Variants in FSD1 observed in about 807,000 individuals in gnomAD.
FSD1 encodes fibronectin type III and SPRY domain containing 1, also known as fibronectin type III and SPRY domain-containing protein 1.
In FSD1, 23 loss-of-function variants were observed where a neutral mutation model predicts 58.2. The ratio of observed to expected loss-of-function variants is 0.40; its 90% confidence interval spans 0.28 to 0.56. FSD1 has a LOEUF of 0.56. Among genes scored for constraint, FSD1 ranks in the 20% least tolerant of loss-of-function variants. FSD1 has a pLI of 0.54. For missense variants in FSD1, 563 were observed against 670.8 expected (o/e 0.84, Z 1.78); for synonymous variants, 265 against 263.4 (o/e 1.01, Z -0.06).
At position 4,304,627 on chromosome 19, in the gene FSD1, G is replaced by T. The variant is rs746299023; in HGVS notation, c.-120G>T. 35 of 532,852 alleles carry T rather than the reference G, an allele frequency of 6.6e-5. No homozygotes were observed. Among genetic ancestry groups the T allele is most frequent in the South Asian group, 9.2e-5 (1 of 10,830 alleles). 33.0% of individuals were successfully genotyped at this position (532,852 alleles called of 1,614,324 possible). On this transcript the variant is annotated 5_prime_UTR_variant, in exon 1 of 13. Coordinates refer to ENST00000221856, the MANE Select transcript of FSD1 (RefSeq NM_024333.3). ...TGCGCGCGGTGATGGAGCGCTAACC[G>T]GGGGCGCGGCGGCGGCGAGGGCTCG...
At chr19:4,306,145 C>T (rs1376334597) in intron 2 of FSD1, 53 bp from the exon 3 acceptor site, 2 of 1,613,132 alleles carry the variant, frequency 1.2e-6, no homozygotes, top group African/African-American at 2.7e-5. Context: ...TGGGAGGTCT[C>T]AGGTTCCCTC....
At chr19:4,313,761 T>G (rs1971722179) in intron 7 of FSD1, among the ~76,000 whole-genome samples, 1 of 146,908 alleles carries the variant, frequency 6.8e-6, no homozygotes, top group Non-Finnish European at 1.5e-5. Context: ...GCGTGGTGGC[T>G]CACGCTGTAA....
At chr19:4,305,796 G>T (rs111747019) in intron 1 of FSD1, 150 bp from the exon 2 acceptor site, 1 of 660,274 alleles carries the variant, frequency 1.5e-6, no homozygotes. Context: ...GTGTGTGTGC[G>T]CATGTGTGTG....
chr19:4,318,998 C>A, intron 10 of FSD1, 47 bp downstream of exon 10: 2 of 1,464,464 alleles, frequency 1.4e-6, no homozygotes, highest in Non-Finnish European at 1.9e-6. Context: ...TGGGCAGGGG[C>A]CTAATGGTGG....
intron 7 of FSD1, 142 bp from the exon 8 acceptor site, chr19:4,317,040 A>C: frequency 1.7e-6 from 1 of 595,404 alleles, no homozygotes; most frequent in Non-Finnish European, 3.1e-6. Context: ...GGCGTGAGCC[A>C]GTGCGCCCGG....
Position 4,323,340 on chromosome 19 carries a change from G to C in FSD1, c.1292-8G>C. The stretch of plus-strand genomic sequence containing the variant: ...CGGTCCCACTGTCACTCTGCCCCCC[G>C]ACCCCAGGCCTCCTGTCCTTCTACA... On this transcript the variant is annotated splice_polypyrimidine_tract_variant and splice_region_variant and intron_variant, in intron 11 of 12. Transcript: ENST00000221856. The surrounding 1 kb of genome is among the most constrained non-coding windows in gnomAD (Gnocchi z 7.7). The C allele has an allele frequency of 6.2e-7, 1 of 1,611,776 alleles. No individual in the cohort carries two copies. The highest frequency in any genetic ancestry group is 8.5e-7 in the Non-Finnish European group (1 of 1,179,194).
In FSD1 at chr19:4,323,502, G is replaced by GC. The variant is rs767557928; in HGVS notation, c.1381-27dup. ...GCTGGGCGCTGGGGTTTGAAGCTGA[G>GC]CCCCTCCCCCCTCCCCCCGCTGTCC... On this transcript the variant is annotated intron_variant, in intron 12 of 12. Coordinates refer to ENST00000221856, the MANE Select transcript of FSD1 (RefSeq NM_024333.3). This position sits in a 1 kb window ranked among gnomAD's most constrained non-coding sequence, Gnocchi z 7.7. The GC allele has an allele frequency of 6.4e-7, 1 of 1,573,916 alleles. No individual in the cohort carries two copies. The highest frequency in any genetic ancestry group is 8.7e-7 in the Non-Finnish European group (1 of 1,145,254).
chr19:4,320,690 TGAG>T (rs1207850699), intron 10 of FSD1, among the ~76,000 whole-genome samples: 2 of 148,268 alleles, frequency 1.3e-5, no homozygotes, highest in Non-Finnish European at 3.0e-5. Flanking sequence ...AGCTGGGACT[TGAG>T]GAGCATCTGG....
chr19:4,315,160 C>G (rs1384592875), intron 7 of FSD1, among the ~76,000 whole-genome samples: 1 of 151,870 alleles, frequency 6.6e-6, no homozygotes, highest in Non-Finnish European at 1.5e-5. Flanking sequence ...GAATCTCGCT[C>G]TGTCGCCCAA....
intron 1 of FSD1, among the ~76,000 whole-genome samples, chr19:4,305,009 G>C (rs1233723713): frequency 1.9e-5 from 2 of 106,320 alleles, no homozygotes; most frequent in African/African-American, 7.2e-5. Flanking sequence ...CAGTATCCCA[G>C]TCCCATCCCT....
Position 4,306,036 on chromosome 19 carries a change from G to A in FSD1, c.106G>A (p.Val36Met), listed in dbSNP as rs200096369. Residue 36 changes from valine to methionine, a missense_variant, in exon 2 of 13, where the codon GTG becomes ATG. By Grantham distance (21) the Val-to-Met change is conservative. Coordinates refer to ENST00000221856, the MANE Select transcript of FSD1 (RefSeq NM_024333.3). ...IYSLKQMLLNVEANSAKVQED... is the reference protein window; with the variant it reads ...IYSLKQMLLNMEANSAKVQED... The stretch of plus-strand genomic sequence containing the variant: ...CTCCCTGAAACAGATGCTGCTGAAC[G>A]TGGAGGTGAAGGCGGTGGGGCAGTC... 9 of 1,613,784 alleles carry A rather than the reference G, an allele frequency of 5.6e-6. No homozygotes were observed. Among genetic ancestry groups the A allele is most frequent in the South Asian group, 2.2e-5 (2 of 91,084 alleles).
intron 8 of FSD1, among the ~76,000 whole-genome samples, chr19:4,317,532 G>C (rs1048227085): frequency 6.6e-6 from 1 of 152,166 alleles, no homozygotes; most frequent in Non-Finnish European, 1.5e-5. Flanking sequence ...CCAAAAAATA[G>C]ATAAGTCCTC....
At position 4,304,632 on chromosome 19, in the gene FSD1, C is replaced by CGCG. The variant is rs891108508; in HGVS notation, c.-105_-103dup. The CGCG allele has an allele frequency of 3.6e-6, 2 of 552,982 alleles. 1 individual carries two copies. The highest frequency in any genetic ancestry group is 1.8e-4 in the South Asian group (2 of 11,188). 34.3% of individuals were successfully genotyped at this position (552,982 alleles called of 1,614,324 possible). ...GCGGTGATGGAGCGCTAACCGGGGG[C>CGCG]GCGGCGGCGGCGAGGGCTCGGCGGG... On this transcript the variant is annotated 5_prime_UTR_variant, in exon 1 of 13. Coordinates refer to ENST00000221856, the MANE Select transcript of FSD1 (RefSeq NM_024333.3).
chr19:4,311,551 G>A (rs1173241341), intron 6 of FSD1: 3 of 352,260 alleles, frequency 8.5e-6, no homozygotes, highest in Non-Finnish European at 1.6e-5. Flanking sequence ...GGCCATGGTG[G>A]CTCACGACTG....
intron 6 of FSD1, 143 bp downstream of exon 6, chr19:4,310,739 G>A (rs985367828): frequency 4.3e-6 from 4 of 925,808 alleles, no homozygotes; most frequent in Non-Finnish European, 4.8e-6. Context: ...AGAATTCCAC[G>A]CCCTGTGGGG....
chr19:4,323,251 C>T lies in FSD1; in HGVS notation c.1291+14C>T. On this transcript the variant is annotated intron_variant, in intron 11 of 12. Coordinates refer to ENST00000221856, the MANE Select transcript of FSD1 (RefSeq NM_024333.3). This position sits in a 1 kb window ranked among gnomAD's most constrained non-coding sequence, Gnocchi z 7.7. The stretch of plus-strand genomic sequence containing the variant: ...ACTTCCACCAAGGTGACCCCAAGCC[C>T]CAGCTGCCGTCTCTGGCTGCCCCTG... The T allele has an allele frequency of 6.2e-7, 1 of 1,605,444 alleles. No individual in the cohort carries two copies.
Position 4,304,701 on chromosome 19 carries a change from G to A in FSD1, c.-46G>A. ...GGCAAAGGCAGCTTGGGGACCCAGC[G>A]TGCGCGGGGCCCGCGGGCCGGGCCG... On this transcript the variant is annotated 5_prime_UTR_variant, in exon 1 of 13. It adds an upstream start codon to the 5' untranslated region. Coordinates refer to ENST00000221856, the MANE Select transcript of FSD1 (RefSeq NM_024333.3). The A allele has an allele frequency of 8.2e-7, 1 of 1,214,488 alleles. No homozygotes were observed. Among genetic ancestry groups the A allele is most frequent in the Non-Finnish European group, 1.0e-6 (1 of 972,530 alleles). 75.2% of individuals were successfully genotyped at this position (1,214,488 alleles called of 1,614,324 possible).
Position 4,311,946 on chromosome 19 carries a change from G to A in FSD1, c.595G>A (p.Val199Met), listed in dbSNP as rs1414231164. The change falls in exon 7 of 13, where the codon GTG becomes ATG. Residue 199 changes from valine to methionine, a missense_variant. Val to Met is a conservative substitution (Grantham distance 21, BLOSUM62 1). Transcript: ENST00000221856. ...TGAGGACAGCAAGATTGACCACTAC[G>A]TGCTGGAGTACCGGCGGACCAACTT... ...PDEDSKIDHY[V>M]LEYRRTNFEG... The A allele has an allele frequency of 1.2e-5, 19 of 1,613,814 alleles. No homozygotes were observed. Among genetic ancestry groups the A allele is most frequent in the Non-Finnish European group, 1.4e-5 (17 of 1,180,034 alleles).
chr19:4,309,048 C>T (rs1971658892), intron 4 of FSD1, among the ~76,000 whole-genome samples: 1 of 152,068 alleles, frequency 6.6e-6, no homozygotes, highest in African/African-American at 2.4e-5. Flanking sequence ...GCACTCCAGC[C>T]TAGGTGACAG....
Sources: gnomAD v4.1 joint callset for allele counts (sites outside exome capture counted in the v4.1 genomes callset) on GRCh38, gnomAD v4.1.1 for gene constraint, Gnocchi (gnomAD v3.1) non-coding constraint, MANE v1.5 for transcripts, NCBI Gene and HGNC (gene_info 2026-07-23, HGNC 2026-07-21) for gene names.